The following C9 variants were observed in gnomAD, a reference collection of about 807,000 sequenced individuals.
C9 encodes complement C9, also known as complement component C9.
In C9, 63 loss-of-function variants were observed where a neutral mutation model predicts 65.4. That is an observed-to-expected ratio of 0.96 (90% CI 0.79 to 1.19). The LOEUF (loss-of-function observed/expected upper bound fraction) is 1.19. Ranked by LOEUF, C9 falls within the 50% of genes most tolerant of loss-of-function variation. The pLI is 0.00. For missense variants in C9, 744 were observed against 670.1 expected (o/e 1.11, Z -1.22); for synonymous variants, 229 against 227.9 (o/e 1.00, Z -0.04).
chr5:39,351,197 T>C (rs1273706220), intron 1 of C9, among the ~76,000 whole-genome samples: 1 of 152,184 alleles, frequency 6.6e-6, no homozygotes, highest in Non-Finnish European at 1.5e-5. Flanking sequence ...CAGGGTGTCA[T>C]GTCCCAAGGC....
chr5:39,318,550 A>T (rs546404365), intron 5 of C9, among the ~76,000 whole-genome samples: 1 of 150,678 alleles, frequency 6.6e-6, no homozygotes, highest in South Asian at 2.1e-4. Context: ...TAAAATTTCA[A>T]TTAGAACTTT....
At chr5:39,309,810 C>T (rs1174066731) in intron 7 of C9, among the ~76,000 whole-genome samples, 4 of 152,152 alleles carry the variant, frequency 2.6e-5, no homozygotes, top group East Asian at 3.8e-4. Context: ...AGGTAAGTAG[C>T]TTCTGAGTTA....
intron 1 of C9, among the ~76,000 whole-genome samples, chr5:39,359,100 G>GTATA (rs1270604293): frequency 0.023 from 2,011 of 87,686 alleles, 67 homozygotes; most frequent in African/African-American, 0.083. Context: ...GTGTGTGTGT[G>GTATA]TGTATATATA....
At chr5:39,344,870 C>A (rs1754160624) in intron 1 of C9, among the ~76,000 whole-genome samples, 1 of 152,176 alleles carries the variant, frequency 6.6e-6, no homozygotes, top group East Asian at 1.9e-4. Flanking sequence ...CAATATTCAA[C>A]ATTCTTAAAG....
chr5:39,334,995 A>G (rs1051265189), intron 4 of C9, among the ~76,000 whole-genome samples: 2 of 3,210 alleles, frequency 6.2e-4, no homozygotes, highest in Non-Finnish European at 1.0e-3. Context: ...CTGCCTTGGG[A>G]AAAAAAAAAA....
chr5:39,344,999 C>T (rs1429020940), intron 1 of C9, among the ~76,000 whole-genome samples: 2 of 152,092 alleles, frequency 1.3e-5, no homozygotes, highest in Non-Finnish European at 2.9e-5. Context: ...CCAGCCCTGC[C>T]CTACAGGAGC....
intron 4 of C9, among the ~76,000 whole-genome samples, chr5:39,338,445 A>G (rs1754009735): frequency 6.6e-6 from 1 of 152,222 alleles, no homozygotes; most frequent in African/African-American, 2.4e-5. Context: ...GTTCTTATCT[A>G]TAAAATGAAT....
At chr5:39,350,605 A>T (rs1390903736) in intron 1 of C9, among the ~76,000 whole-genome samples, 4 of 152,180 alleles carry the variant, frequency 2.6e-5, no homozygotes, top group Admixed American at 2.6e-4. Flanking sequence ...CAGCCAAGAG[A>T]TAGGGGCTAC....
In C9 at chr5:39,341,948, C is replaced by A. The variant is rs1006532840; in HGVS notation, c.183+143G>T. 8.5e-5 allele frequency: 60 copies of A among 708,084 alleles called. No individual in the cohort carries two copies. In the Admixed American group the frequency reaches 1.2e-3, roughly 14 times the overall value. The allele number at this position is 708,084 out of a possible 1,614,324, so 43.9% of individuals were successfully genotyped here. On this transcript the variant is annotated intron_variant, in intron 2 of 10. Transcript: ENST00000263408. ...CATAAAGATTTCCTGGAAAAGTTAG[C>A]AACATACATTTAAATGTTTATCTCT...
intron 5 of C9, among the ~76,000 whole-genome samples, chr5:39,320,877 A>G (rs1753655172): frequency 6.6e-6 from 1 of 152,126 alleles, no homozygotes; most frequent in African/African-American, 2.4e-5. Flanking sequence ...TGATATATTC[A>G]AGAGTATTGA....
intron 9 of C9, among the ~76,000 whole-genome samples, chr5:39,305,809 A>G (rs1753363413): frequency 6.6e-6 from 1 of 152,178 alleles, no homozygotes; most frequent in Non-Finnish European, 1.5e-5. Context: ...TCTACTGACC[A>G]TAAGAATTGT....
At chr5:39,360,261 C>CTAT (rs537968301) in intron 1 of C9, among the ~76,000 whole-genome samples, 340 of 151,534 alleles carry the variant, frequency 2.2e-3, no homozygotes, top group Non-Finnish European at 3.7e-3. Context: ...ATATCTACTA[C>CTAT]TATTATTATT....
intron 6 of C9, among the ~76,000 whole-genome samples, chr5:39,315,488 A>G (rs895787524): frequency 2.0e-5 from 3 of 152,174 alleles, no homozygotes; most frequent in Non-Finnish European, 2.9e-5. Context: ...AATTCTGATG[A>G]TCATATAAAT....
intron 4 of C9, among the ~76,000 whole-genome samples, chr5:39,334,308 C>CT (rs1404228115): frequency 6.6e-6 from 1 of 151,660 alleles, no homozygotes; most frequent in African/African-American, 2.4e-5. Context: ...GCCGCAACCC[C>CT]GTCTGGGAGG....
At chr5:39,342,887 T>C (rs561983595) in intron 1 of C9, among the ~76,000 whole-genome samples, 25 of 152,238 alleles carry the variant, frequency 1.6e-4, no homozygotes, top group African/African-American at 5.8e-4. Context: ...TCTCCGTTGG[T>C]TCACCATTTG....
At chr5:39,360,793 C>T (rs1240284048) in intron 1 of C9, among the ~76,000 whole-genome samples, 2 of 151,930 alleles carry the variant, frequency 1.3e-5, no homozygotes, top group Admixed American at 6.6e-5. Flanking sequence ...AAAGGTTGGC[C>T]TGTGGTTCCT....
At chr5:39,337,112 G>A (rs545965738) in intron 4 of C9, among the ~76,000 whole-genome samples, 18 of 152,268 alleles carry the variant, frequency 1.2e-4, no homozygotes, top group Admixed American at 1.0e-3. Flanking sequence ...CAGCTTGAAT[G>A]CAGCTGAATT....
At chr5:39,348,841 A>G (rs1754261987) in intron 1 of C9, among the ~76,000 whole-genome samples, 1 of 152,210 alleles carries the variant, frequency 6.6e-6, no homozygotes, top group Non-Finnish European at 1.5e-5. Context: ...CTATGCAGCC[A>G]TAAAAAAGGA....
chr5:39,342,035 C>G (rs1579871658), intron 2 of C9, 56 bp downstream of exon 2: 1 of 981,134 alleles, frequency 1.0e-6, no homozygotes, highest in South Asian at 1.3e-5. Flanking sequence ...TCTGGAGAGG[C>G]TAGCAATACA....
Sources: allele counts gnomAD v4.1 joint callset (sites outside exome capture counted in the v4.1 genomes callset), GRCh38; gene constraint gnomAD v4.1.1; transcripts MANE v1.5; gene names NCBI Gene and HGNC (gene_info 2026-07-23, HGNC 2026-07-21).